TRIM48: variants seen among roughly 807,000 people sequenced by gnomAD.
The protein encoded by TRIM48 is E3 ubiquitin-protein ligase TRIM48.
In TRIM48, 31 loss-of-function variants were observed where a neutral mutation model predicts 29.5. The observed-to-expected ratio is 1.05, with a 90% CI of 0.79 to 1.42. The LOEUF (loss-of-function observed/expected upper bound fraction) is 1.42. TRIM48 is among the 40% of genes most tolerant of loss of function. The pLI, the probability that TRIM48 is intolerant of heterozygous loss-of-function variation, is 0.00. For synonymous variants in TRIM48, 128 were observed against 90.6 expected (o/e 1.41, Z -2.34); for missense variants, 344 against 265.0 (o/e 1.30, Z -2.07).
intron 3 of TRIM48, among the ~76,000 whole-genome samples, chr11:55,267,229 G>A (rs1857407596): frequency 1.4e-5 from 2 of 147,320 alleles, no homozygotes; most frequent in Admixed American, 6.9e-5. Flanking sequence ...TAATTGGTCA[G>A]ATACATCTAT....
chr11:55,268,475 ATT>A, intron 4 of TRIM48, 103 bp downstream of exon 4: 12 of 1,157,232 alleles, frequency 1.0e-5, no homozygotes, highest in African/African-American at 1.6e-5. Context: ...TATTGATACT[ATT>A]TTTTTTTGCA....
chr11:55,263,410 T>G (rs1458244964), intron 1 of TRIM48, among the ~76,000 whole-genome samples: 1 of 152,078 alleles, frequency 6.6e-6, no homozygotes, highest in Non-Finnish European at 1.5e-5. Flanking sequence ...CCCAGCACTT[T>G]TGGAGGCCGT....
chr11:55,265,325 C>A lies in TRIM48; in HGVS notation c.459+11C>A, dbSNP rs1219269442. On this transcript the variant is annotated intron_variant, in intron 2 of 5. Transcript: ENST00000417545. Reference sequence around the variant, plus strand: ...GCTGAGGAACACTGGGTAAGTGATGCCTCTGAAGATCTATTTCTATAAAGG... The same window carrying A: ...GCTGAGGAACACTGGGTAAGTGATGACTCTGAAGATCTATTTCTATAAAGG... 1 of 1,581,896 alleles carries A rather than the reference C, an allele frequency of 6.3e-7. No individual in the cohort carries two copies. The highest frequency in any genetic ancestry group is 8.6e-7 in the Non-Finnish European group (1 of 1,165,956).
Position 55,267,054 on chromosome 11 carries a change from G to T in TRIM48, c.556-1296G>T, listed in dbSNP as rs558343414. Among the ~76,000 whole-genome samples, 6 of 148,062 alleles carry T rather than the reference G, an allele frequency of 4.1e-5. 1 individual carries two copies. The highest frequency in any genetic ancestry group is 2.4e-4 in the South Asian group (1 of 4,164). The stretch of plus-strand genomic sequence containing the variant: ...CAACTTGTTACATATCTCAGAAATA[G>T]AAATAATTATTTCCTTTCTAGTAAC... On this transcript the variant is annotated intron_variant, in intron 3 of 5. Transcript: ENST00000417545.
chr11:55,265,796 T>TAAA (rs763283625), intron 3 of TRIM48, 101 bp downstream of exon 3: 154 of 751,156 alleles, frequency 2.1e-4, no homozygotes, highest in South Asian at 6.6e-4. Flanking sequence ...TTTCTGGGAG[T>TAAA]CAAAAAAAAA....
At chr11:55,269,132 A>G in intron 4 of TRIM48, 110 bp from the exon 5 acceptor site, 2 of 1,415,950 alleles carry the variant, frequency 1.4e-6, no homozygotes, top group Non-Finnish European at 1.9e-6. Flanking sequence ...TTTTTGAATT[A>G]TCAAATTTGT....
rs1243172089 is a variant in TRIM48 at position 55,265,536 on chromosome 11, A to G, written c.460-64A>G. 1.3e-5 allele frequency: 20 copies of G among 1,545,808 alleles called. 1 individual carries two copies. Among genetic ancestry groups the G allele is most frequent in the Admixed American group, 1.8e-5 (1 of 56,632 alleles). On this transcript the variant is annotated intron_variant, in intron 2 of 5. Transcript: ENST00000417545. ...GTCTCTCATTCTGGGCCCCCTCCCA[A>G]TGAAACGGTCTGTATGTTACTTTAT...
rs149030641 is a variant in TRIM48, at chr11:55,268,190, G to C, written c.556-160G>C. On this transcript the variant is annotated intron_variant, in intron 3 of 5. Coordinates refer to ENST00000417545, the MANE Select transcript of TRIM48 (RefSeq NM_024114.5). ...GACATTAATTAGTGACAATATGATT[G>C]ACTGGGTTTTTCATTACAGAAGAAA... Among the ~76,000 whole-genome samples, 76 of 147,572 alleles carry C rather than the reference G, an allele frequency of 5.2e-4. 4 individuals carry two copies. Among genetic ancestry groups the C allele is most frequent in the Middle Eastern group, 3.5e-3 (1 of 284 alleles).
chr11:55,269,928 T>C (rs1310601326), intron 5 of TRIM48, among the ~76,000 whole-genome samples: 2 of 147,778 alleles, frequency 1.4e-5, no homozygotes, highest in Admixed American at 1.4e-4. Flanking sequence ...CAAGCTAACA[T>C]GGAGGGCCAC....
chr11:55,263,780 G>A (rs568208740), intron 1 of TRIM48, among the ~76,000 whole-genome samples: 1 of 152,336 alleles, frequency 6.6e-6, no homozygotes, highest in Non-Finnish European at 1.5e-5. Context: ...TGATTATGGA[G>A]TCTGAGCAGT....
rs1474285103 is a variant in TRIM48, at chr11:55,270,976, C to T, written c.*541C>T. 18 of 1,546,132 alleles carry T rather than the reference C, an allele frequency of 1.2e-5. 2 individuals are homozygous for T. The highest frequency in any genetic ancestry group is 1.6e-5 in the Non-Finnish European group (18 of 1,140,870). ...GAAATGTGTTCATCTGCTGTGGGAACCCCTTTATCCCAGAAAGCCCTCTTC... is the reference window on the plus strand; with the variant it reads ...GAAATGTGTTCATCTGCTGTGGGAATCCCTTTATCCCAGAAAGCCCTCTTC... On this transcript the variant is annotated 3_prime_UTR_variant, in exon 6 of 6. Coordinates refer to ENST00000417545, the MANE Select transcript of TRIM48 (RefSeq NM_024114.5).
chr11:55,264,080 G>T (rs1450926467), intron 1 of TRIM48, among the ~76,000 whole-genome samples: 1 of 152,076 alleles, frequency 6.6e-6, no homozygotes, highest in African/African-American at 2.4e-5. Flanking sequence ...GGTTAATCCA[G>T]TCAGACTGAT....
At chr11:55,267,501 T>A in intron 3 of TRIM48, 1 of 1,579,724 alleles carries the variant, frequency 6.3e-7, no homozygotes, top group Non-Finnish European at 8.6e-7. Flanking sequence ...TTGGAGATGC[T>A]GAAAAAGAAG....
intron 3 of TRIM48, among the ~76,000 whole-genome samples, chr11:55,267,147 G>A (rs1186131675): frequency 2.7e-5 from 4 of 147,494 alleles, no homozygotes; most frequent in African/African-American, 5.0e-5. Flanking sequence ...GGTTGGAATA[G>A]AGAAATTCAA....
At chr11:55,262,371 G>T in intron 1 of TRIM48, 60 bp downstream of exon 1, 1 of 1,234,504 alleles carries the variant, frequency 8.1e-7, no homozygotes, top group East Asian at 2.5e-5. Flanking sequence ...TAATAAATTA[G>T]AGTGTTAAAA....
chr11:55,263,348 T>C lies in TRIM48; in HGVS notation c.44+1037T>C, dbSNP rs1336076895. Among the ~76,000 whole-genome samples, 5 of 152,186 alleles carry C rather than the reference T, an allele frequency of 3.3e-5. No individual in the cohort carries two copies. In the East Asian group the frequency reaches 7.8e-4, roughly 24 times the overall value. On this transcript the variant is annotated intron_variant, in intron 1 of 5. Transcript: ENST00000417545. ...AGGTTTGTAAAGGTAGATTCTATCA[T>C]GTCAAAACAATAAAACAATAAAACC...
intron 4 of TRIM48, among the ~76,000 whole-genome samples, chr11:55,268,808 G>A (rs1390891851): frequency 6.8e-6 from 1 of 147,846 alleles, no homozygotes; most frequent in Non-Finnish European, 1.5e-5. Context: ...TAAGTCTCTA[G>A]GGAAGCTTGT....
chr11:55,269,395 A>G (rs1857444510), intron 5 of TRIM48, 56 bp downstream of exon 5: 1 of 1,539,438 alleles, frequency 6.5e-7, no homozygotes, highest in Non-Finnish European at 8.8e-7. Flanking sequence ...TATTGTTAGG[A>G]TCACATAGGT....
Position 55,266,345 on chromosome 11 carries a change from C to G in TRIM48, c.555+650C>G, listed in dbSNP as rs547465404. 2.7e-5 allele frequency among the ~76,000 whole-genome samples: 4 copies of G among 147,270 alleles called. 1 individual carries two copies. The South Asian group carries it at 7.4e-4, about 27-fold the overall frequency. ...AGAAAAATATTAAAAATGATTTCCT[C>G]TTTGTGGATGTATACTCTGAGGGTA... On this transcript the variant is annotated intron_variant, in intron 3 of 5. Coordinates refer to ENST00000417545, the MANE Select transcript of TRIM48 (RefSeq NM_024114.5).
Sources: allele counts gnomAD v4.1 joint callset (sites outside exome capture counted in the v4.1 genomes callset), GRCh38; gene constraint gnomAD v4.1.1; transcripts MANE v1.5; gene names NCBI Gene and HGNC (gene_info 2026-07-23, HGNC 2026-07-21).